The following JMJD1C variants were observed in gnomAD, a reference collection of about 807,000 sequenced individuals.
JMJD1C encodes jumonji domain-containing protein 1C.
Under a neutral mutation model 245.3 loss-of-function variants are expected in JMJD1C, and 31 were observed. The observed-to-expected ratio is 0.13, with a 90% CI of 0.09 to 0.17. The LOEUF is 0.17. Among genes scored for constraint, JMJD1C ranks in the 10% least tolerant of loss-of-function variants. The pLI, the probability that JMJD1C is intolerant of heterozygous loss-of-function variation, is 1.00. For synonymous variants in JMJD1C, 1,057 were observed against 1,017.4 expected (o/e 1.04, Z -0.74); for missense variants, 2,691 against 3,000.2 (o/e 0.90, Z 2.41).
chr10:63,497,527 GTTTC>G (rs1437808662), intron 1 of JMJD1C, among the ~76,000 whole-genome samples: 1 of 152,216 alleles, frequency 6.6e-6, no homozygotes, highest in Admixed American at 6.5e-5. Context: ...CTAAAAGACA[GTTTC>G]TTTCAGGGCT....
chr10:63,467,713 G>A (rs1427650979), upstream of JMJD1C, among the ~76,000 whole-genome samples: 1 of 152,068 alleles, frequency 6.6e-6, no homozygotes, highest in Non-Finnish European at 1.5e-5. Context: ...TGTAGATTAA[G>A]GAACCAGTAA....
intron 1 of JMJD1C, among the ~76,000 whole-genome samples, chr10:63,506,036 A>G (rs1954708884): frequency 6.6e-6 from 1 of 152,086 alleles, no homozygotes; most frequent in South Asian, 2.1e-4. Context: ...AATAGCTGCT[A>G]ATTTGGCAGG....
chr10:63,465,169 C>G (rs1953117542), intron 1 of JMJD1C: 1 of 333,854 alleles, frequency 3.0e-6, no homozygotes, highest in African/African-American at 2.2e-5. Flanking sequence ...GCGCCGGACT[C>G]GCGGCTCCGC....
In JMJD1C at chr10:63,401,040, G is replaced by C. The variant is rs184888394; in HGVS notation, c.169-20558C>G. On this transcript the variant is annotated intron_variant, in intron 1 of 25. Transcript: ENST00000399262. ...CACCCGGCTAATTTTTGTATTTTTA[G>C]TAGAGACGAAGTTTCGCCATGTTGG... Among the ~76,000 whole-genome samples the C allele has an allele frequency of 6.1e-3, 916 of 151,368 alleles. 7 individuals are homozygous for C. Among genetic ancestry groups the C allele is most frequent in the East Asian group, 0.026 (131 of 5,118 alleles).
intron 1 of JMJD1C, among the ~76,000 whole-genome samples, chr10:63,476,873 A>G (rs1328196590): frequency 2.0e-5 from 3 of 152,226 alleles, no homozygotes; most frequent in African/African-American, 7.2e-5. Flanking sequence ...AAAGCTGCAG[A>G]AAGAAATCTC....
intron 2 of JMJD1C, among the ~76,000 whole-genome samples, chr10:63,363,124 G>A (rs542033521): frequency 1.3e-5 from 2 of 151,958 alleles, no homozygotes; most frequent in Non-Finnish European, 2.9e-5. Flanking sequence ...TGGGCCAAAT[G>A]TCCTTAAAGC....
At chr10:63,380,625 G>A (rs1011568536) in intron 1 of JMJD1C, 143 bp from the exon 2 acceptor site, 27 of 616,718 alleles carry the variant, frequency 4.4e-5, no homozygotes, top group Middle Eastern at 4.4e-4. Context: ...ATCAAATCAG[G>A]GTAATTAGAA....
At chr10:63,387,544 C>A (rs1260775360) in intron 1 of JMJD1C, among the ~76,000 whole-genome samples, 1 of 113,084 alleles carries the variant, frequency 8.8e-6, no homozygotes, top group Non-Finnish European at 2.0e-5. Context: ...AAACCTTCAA[C>A]AGACTAGATC....
rs1013341400 is a variant in JMJD1C, at chr10:63,167,245, A to C, written c.*800T>G. On this transcript the variant is annotated 3_prime_UTR_variant, in exon 26 of 26. Transcript: ENST00000399262. ...GTCAATTTTTGATAAAGTCCTTTTA[A>C]TGGAAAATGTAAAACCCCTTTCAAC... 6.6e-6 allele frequency: 1 copy of C among 152,586 alleles called. No individual in the cohort carries two copies. The highest frequency in any genetic ancestry group is 6.5e-5 in the Admixed American group (1 of 15,268). 9.5% of individuals were successfully genotyped at this position (152,586 alleles called of 1,614,324 possible).
chr10:63,449,285 T>A (rs1054267215), intron 1 of JMJD1C, among the ~76,000 whole-genome samples: 6 of 152,116 alleles, frequency 3.9e-5, no homozygotes, highest in African/African-American at 1.4e-4. Context: ...AAAAGTGAAA[T>A]TCTGTAAAAT....
chr10:63,380,253 T>C (rs12767436), intron 2 of JMJD1C, 65 bp downstream of exon 2: 11 of 1,541,278 alleles, frequency 7.1e-6, no homozygotes, highest in Middle Eastern at 1.7e-4. Flanking sequence ...CTTTGTTTTG[T>C]TGTTGTTGTT....
At position 63,189,354 on chromosome 10, in the gene JMJD1C, C is replaced by T; in HGVS notation, c.6384G>A (p.Lys2128=). 1 of 1,613,760 alleles carries T rather than the reference C, an allele frequency of 6.2e-7. No individual in the cohort carries two copies. Among genetic ancestry groups the T allele is most frequent in the Non-Finnish European group, 8.5e-7 (1 of 1,179,862 alleles). Residue 2128 remains lysine, a synonymous_variant, in exon 18 of 26, where the codon AAG becomes AAA. Coordinates refer to ENST00000399262, the MANE Select transcript of JMJD1C (RefSeq NM_032776.3). ...CTTTAAGCTCTGGTTTTACATTTAT[C>T]TTGGAGGTTTTACTTGGTGGAATTT... ...ENKIPPSKTS[K]INVKPELKEE... is the part of the protein sequence containing the mutation.
rs543568477 is a variant in JMJD1C at position 63,427,606 on chromosome 10, C to G, written c.168+37889G>C. 869 of 1,400,508 alleles carry G rather than the reference C, an allele frequency of 6.2e-4. 1 individual carries two copies. The highest frequency in any genetic ancestry group is 7.6e-4 in the Non-Finnish European group (751 of 993,876). 86.8% of individuals were successfully genotyped at this position (1,400,508 alleles called of 1,614,324 possible). A position where few individuals can be genotyped will look rare whatever the true frequency, so the allele number is the denominator to read the frequency against. On this transcript the variant is annotated intron_variant, in intron 1 of 25. Transcript: ENST00000399262. The stretch of plus-strand genomic sequence containing the variant: ...CTTCACCTGGAACATCAACCATGCC[C>G]GGCTGATGGTGGTGGAGAAACAGTG...
chr10:63,261,252 T>C (rs764479228), intron 3 of JMJD1C, among the ~76,000 whole-genome samples: 1 of 152,148 alleles, frequency 6.6e-6, no homozygotes, highest in Non-Finnish European at 1.5e-5. Context: ...ATATAATGAT[T>C]GCATCCTGGA....
At position 63,178,776 on chromosome 10, in the gene JMJD1C, C is replaced by T. The variant is rs184778195; in HGVS notation, c.7085-920G>A. Among the ~76,000 whole-genome samples the T allele has an allele frequency of 3.0e-3, 460 of 152,184 alleles. 1 individual carries two copies. The highest frequency in any genetic ancestry group is 3.3e-3 in the Non-Finnish European group (224 of 67,996). On this transcript the variant is annotated intron_variant, in intron 22 of 25. Coordinates refer to ENST00000399262, the MANE Select transcript of JMJD1C (RefSeq NM_032776.3). ...TAAAATTCCTACACGTATGTATGTA[C>T]AGAAAAAAACTTTAGAAGTGTACAA...
intron 2 of JMJD1C, among the ~76,000 whole-genome samples, chr10:63,303,061 G>C (rs866196349): frequency 6.6e-6 from 1 of 151,414 alleles, no homozygotes; most frequent in African/African-American, 2.4e-5. Context: ...AAACTTTCTC[G>C]AAACTCAAAG....
intron 1 of JMJD1C, among the ~76,000 whole-genome samples, chr10:63,422,333 A>G (rs957170422): frequency 1.3e-5 from 2 of 151,980 alleles, no homozygotes; most frequent in Non-Finnish European, 2.9e-5. Flanking sequence ...AATCGCTTGA[A>G]CCCAGGAGGC....
At chr10:63,297,041 C>T (rs1209179011) in intron 2 of JMJD1C, among the ~76,000 whole-genome samples, 1 of 152,188 alleles carries the variant, frequency 6.6e-6, no homozygotes, top group African/African-American at 2.4e-5. Context: ...AGGAACCAGT[C>T]ATCTCCTTTG....
rs71025169 is a variant in JMJD1C, at chr10:63,387,629, A to ATTTTTTTTTTTTTTTTT, written c.169-7164_169-7148dup. Among the ~76,000 whole-genome samples, 26 of 37,864 alleles carry ATTTTTTTTTTTTTTTTT rather than the reference A, an allele frequency of 6.9e-4. 3 individuals are homozygous for ATTTTTTTTTTTTTTTTT. Among genetic ancestry groups the ATTTTTTTTTTTTTTTTT allele is most frequent in the Admixed American group, 2.3e-3 (5 of 2,130 alleles). The allele number at this position is 37,864 out of a possible 152,430, so 24.8% of individuals were successfully genotyped here. On this transcript the variant is annotated intron_variant, in intron 1 of 25. Coordinates refer to ENST00000399262, the MANE Select transcript of JMJD1C (RefSeq NM_032776.3). ...AGTCAGAAGAAAAAAGAAAAAAAAA[A>ATTTTTTTTTTTTTTTTT]TTTTTTTTTTTTTTTTTTTTTTTTG...
Sources: allele counts gnomAD v4.1 joint callset (sites outside exome capture counted in the v4.1 genomes callset), GRCh38; gene constraint gnomAD v4.1.1; transcripts MANE v1.5; gene names NCBI Gene and HGNC (gene_info 2026-07-23, HGNC 2026-07-21).